RASSF3: variants seen among roughly 807,000 people sequenced by gnomAD.
RASSF3 encodes ras association domain-containing protein 3.
RASSF3 carries 19 observed loss-of-function variants against 19.9 expected under a neutral mutation model. That is an observed-to-expected ratio of 0.96 (90% CI 0.67 to 1.40). RASSF3 has a LOEUF of 1.40. Among genes scored for constraint, RASSF3 ranks in the 40% most tolerant of loss-of-function variants. RASSF3 has a pLI of 0.00. For missense variants in RASSF3, 306 were observed against 289.8 expected (o/e 1.06, Z -0.41); for synonymous variants, 110 against 104.2 (o/e 1.06, Z -0.34).
chr12:64,687,099 T>G (rs1873386613), intron 2 of RASSF3, among the ~76,000 whole-genome samples: 2 of 151,916 alleles, frequency 1.3e-5, no homozygotes, highest in Non-Finnish European at 2.9e-5. Flanking sequence ...GTTCAAGAGA[T>G]TCTCCTGCCT....
upstream of RASSF3, among the ~76,000 whole-genome samples, chr12:64,531,200 T>G (rs947781574): frequency 6.6e-6 from 1 of 152,234 alleles, no homozygotes; most frequent in African/African-American, 2.4e-5. Flanking sequence ...CCTTACGATC[T>G]ACTTTGAATT....
At chr12:64,554,120 A>C (rs1335013910) in intron 2 of RASSF3, among the ~76,000 whole-genome samples, 1 of 152,166 alleles carries the variant, frequency 6.6e-6, no homozygotes, top group African/African-American at 2.4e-5. Flanking sequence ...AACAGAACAC[A>C]TTCTTCTCTT....
intron 1 of RASSF3, among the ~76,000 whole-genome samples, chr12:64,513,630 C>T (rs543147490): frequency 2.3e-4 from 35 of 152,124 alleles, no homozygotes; most frequent in African/African-American, 8.0e-4. Flanking sequence ...GCAGGTGAGA[C>T]ATAAGGGGTC....
intron 1 of RASSF3, among the ~76,000 whole-genome samples, chr12:64,650,084 CTT>C (rs1035694165): frequency 6.6e-6 from 1 of 152,206 alleles, no homozygotes; most frequent in African/African-American, 2.4e-5. Flanking sequence ...TTATTTGTCT[CTT>C]GTCATGTAGA....
At chr12:64,529,437 G>A (rs915900002), upstream of RASSF3, among the ~76,000 whole-genome samples, 1 of 152,150 alleles carries the variant, frequency 6.6e-6, no homozygotes, top group Admixed American at 6.6e-5. Context: ...CCTAGACATA[G>A]ACATTTGCTG....
intron 1 of RASSF3, among the ~76,000 whole-genome samples, chr12:64,520,129 T>C (rs1868436361): frequency 6.6e-6 from 1 of 151,864 alleles, no homozygotes; most frequent in African/African-American, 2.4e-5. Context: ...CCTCTAAATC[T>C]AGCCATAATG....
chr12:64,678,648 C>CA lies in RASSF3; in HGVS notation c.112-6122dup, dbSNP rs767180678. ...TATTTTTTAAAGAGATCCGTAATAC[C>CA]AAAAAAAAAAAAAAAAACCAAACAA... On this transcript the variant is annotated intron_variant, in intron 1 of 4. Transcript: ENST00000542104. 2.8e-3 allele frequency among the ~76,000 whole-genome samples: 257 copies of CA among 90,916 alleles called. 3 individuals are homozygous for CA. The highest frequency in any genetic ancestry group is 0.017 in the Middle Eastern group (2 of 118). 59.6% of individuals were successfully genotyped at this position (90,916 alleles called of 152,430 possible).
chr12:64,689,246 T>C (rs1177329842), intron 3 of RASSF3, among the ~76,000 whole-genome samples: 1 of 151,662 alleles, frequency 6.6e-6, no homozygotes, highest in Non-Finnish European at 1.5e-5. Flanking sequence ...TGTGTGTGTG[T>C]ACAATAAACT....
At chr12:64,691,370 C>G (rs1416029104) in intron 3 of RASSF3, 100 bp from the exon 4 acceptor site, 4 of 785,170 alleles carry the variant, frequency 5.1e-6, no homozygotes, top group Non-Finnish European at 8.9e-6. Flanking sequence ...GCTGGGGTAA[C>G]TTGGATGGTT....
Position 64,694,755 on chromosome 12 carries a change from C to G in RASSF3, c.568-8C>G. 1 of 1,614,038 alleles carries G rather than the reference C, an allele frequency of 6.2e-7. No homozygotes were observed. Among genetic ancestry groups the G allele is most frequent in the Non-Finnish European group, 8.5e-7 (1 of 1,179,960 alleles). ...ATCTGGCATTTTTCTTTCTGTGTTT[C>G]CTGACAGTGGGAAGCCTTCAGCCTT... On this transcript the variant is annotated splice_polypyrimidine_tract_variant and splice_region_variant and intron_variant, in intron 4 of 4. Coordinates refer to ENST00000542104, the MANE Select transcript of RASSF3 (RefSeq NM_178169.4).
At chr12:64,621,641 C>G (rs1012250391) in intron 1 of RASSF3, among the ~76,000 whole-genome samples, 30 of 152,144 alleles carry the variant, frequency 2.0e-4, no homozygotes, top group African/African-American at 7.0e-4. Flanking sequence ...CTATGCGCGG[C>G]TAATTTTTGT....
At chr12:64,690,477 G>T (rs11175516) in intron 3 of RASSF3, among the ~76,000 whole-genome samples, 1 of 152,086 alleles carries the variant, frequency 6.6e-6, no homozygotes, top group South Asian at 2.1e-4. Context: ...GAGCCACCAC[G>T]CCTGGCCTTG....
intron 2 of RASSF3, among the ~76,000 whole-genome samples, chr12:64,686,025 A>G (rs1873337587): frequency 2.0e-5 from 3 of 152,188 alleles, no homozygotes; most frequent in Admixed American, 6.5e-5. Context: ...AGGAGCTTTC[A>G]GATAGAAACC....
At chr12:64,639,379 A>G (rs192707047) in intron 1 of RASSF3, among the ~76,000 whole-genome samples, 1,570 of 151,110 alleles carry the variant, frequency 0.01, 16 homozygotes, top group Non-Finnish European at 0.017. Context: ...TTTTTTGTAT[A>G]TCTGTGCCCA....
At chr12:64,648,041 G>C (rs1158682549) in intron 1 of RASSF3, among the ~76,000 whole-genome samples, 2 of 152,222 alleles carry the variant, frequency 1.3e-5, no homozygotes, top group Non-Finnish European at 2.9e-5. Flanking sequence ...CCTTTGTGTA[G>C]CAGAAGATGT....
In RASSF3 at chr12:64,688,379, T is replaced by C. The variant is rs1340205486; in HGVS notation, c.383T>C (p.Leu128Pro). The C allele has an allele frequency of 1.2e-6, 2 of 1,614,190 alleles. No homozygotes were observed. ...TNTVGEVIEA[L>P]LKKFLVTESP... ...ACTGTCGGGGAAGTGATCGAGGCCCTGCTCAAAAAGTTTCTCGTGACTGAG... is the reference window on the plus strand; with the variant it reads ...ACTGTCGGGGAAGTGATCGAGGCCCCGCTCAAAAAGTTTCTCGTGACTGAG... The change falls in exon 3 of 5, where the codon CTG becomes CCG. Residue 128 changes from leucine (L) to proline (P), a missense_variant. Physicochemically the swap from Leu to Pro is moderately conservative, Grantham distance 98. Coordinates refer to ENST00000542104, the MANE Select transcript of RASSF3 (RefSeq NM_178169.4).
intron 2 of RASSF3, among the ~76,000 whole-genome samples, chr12:64,567,803 C>T (rs769128283): frequency 5.9e-5 from 9 of 152,240 alleles, no homozygotes; most frequent in Admixed American, 1.3e-4. Context: ...CTCTGCAGAG[C>T]GTGCACTGCT....
chr12:64,633,022 A>G (rs1210009336), intron 1 of RASSF3, among the ~76,000 whole-genome samples: 1 of 152,206 alleles, frequency 6.6e-6, no homozygotes, highest in East Asian at 1.9e-4. Context: ...AATAAATCTA[A>G]GCAGTTTCAA....
intron 2 of RASSF3, among the ~76,000 whole-genome samples, chr12:64,593,843 C>T (rs1367963977): frequency 6.6e-6 from 1 of 151,850 alleles, no homozygotes; most frequent in Non-Finnish European, 1.5e-5. Flanking sequence ...GAAAGCCCAT[C>T]TCTACTAAAA....
Sources: gnomAD v4.1 joint callset for allele counts (sites outside exome capture counted in the v4.1 genomes callset) on GRCh38, gnomAD v4.1.1 for gene constraint, MANE v1.5 for transcripts, NCBI Gene and HGNC (gene_info 2026-07-23, HGNC 2026-07-21) for gene names.